DUS2: variants seen among roughly 807,000 people sequenced by gnomAD.
The protein encoded by DUS2 is dihydrouridine synthase 2, also known as tRNA-dihydrouridine(20) synthase [NAD(P)+]-like.
DUS2 carries 52 observed loss-of-function variants against 71.3 expected under a neutral mutation model. That is an observed-to-expected ratio of 0.73 (90% CI 0.58 to 0.92). The LOEUF is 0.92. DUS2 is among the 40% of genes least tolerant of loss of function. DUS2 has a pLI of 0.00. For missense variants in DUS2, 558 were observed against 622.6 expected, an observed-to-expected ratio of 0.90 and a Z score of 1.10; for synonymous variants, 204 against 227.8, an observed-to-expected ratio of 0.90 and a Z score of 0.94.
intron 12 of DUS2, 38 bp from the exon 13 acceptor site, chr16:68,073,996 G>C (rs769186697): frequency 4.3e-6 from 7 of 1,612,500 alleles, no homozygotes; most frequent in Non-Finnish European, 5.9e-6. Flanking sequence ...AGGCCTTAGA[G>C]CCTGCCTGGG....
intron 7 of DUS2, among the ~76,000 whole-genome samples, chr16:68,059,385 A>C (rs1016895617): frequency 6.6e-6 from 1 of 152,196 alleles, no homozygotes; most frequent in South Asian, 2.1e-4. Context: ...TTGTTGAGAA[A>C]GCTATTATTG....
rs2151425311 is a variant in DUS2, at chr16:68,070,952, T to C, written c.654T>C (p.His218=). 6.2e-7 allele frequency: 1 copy of C among 1,614,204 alleles called. No individual in the cohort carries two copies. Among genetic ancestry groups the C allele is most frequent in the Non-Finnish European group, 8.5e-7 (1 of 1,180,032 alleles). ...SIPVIANGGS[H]DHIQQYSDIE... ...GGTTGCTTTTTAGCGGAGGATCTCATGACCACATCCAACAGTATTCGGACA... is the reference window on the plus strand; with the variant it reads ...GGTTGCTTTTTAGCGGAGGATCTCACGACCACATCCAACAGTATTCGGACA... The change falls in exon 12 of 17, where the codon CAT becomes CAC. Residue 218 remains histidine, a synonymous_variant. Transcript: ENST00000565263.
At chr16:68,027,511 G>A (rs2033369648) in intron 2 of DUS2, among the ~76,000 whole-genome samples, 1 of 152,208 alleles carries the variant, frequency 6.6e-6, no homozygotes, top group Admixed American at 6.5e-5. Context: ...CCAAAGTGCT[G>A]GGATTACAGG....
chr16:68,049,277 A>G (rs189229197), intron 3 of DUS2, among the ~76,000 whole-genome samples: 8 of 152,186 alleles, frequency 5.3e-5, no homozygotes, highest in Non-Finnish European at 7.4e-5. Flanking sequence ...CTAGGCCCCA[A>G]CCATCTCCAA....
intron 2 of DUS2, among the ~76,000 whole-genome samples, chr16:68,034,007 A>G (rs550555203): frequency 3.3e-5 from 5 of 152,064 alleles, no homozygotes; most frequent in African/African-American, 7.2e-5. Flanking sequence ...AGTTCAAGCA[A>G]TCTGTCCACC....
Position 68,053,642 on chromosome 16 carries a change from T to C in DUS2, c.251T>C (p.Val84Ala). ...ACCTGTGAAAGAGAGCAGAACAGGG[T>C]GGTCTTCCAGATGGTGAGAGACTCC... ...FRTCEREQNR[V>A]VFQMGTSDAE... is the part of the protein sequence containing the mutation. Residue 84 changes from valine (V) to alanine (A), a missense_variant, in exon 5 of 17, where the codon GTG (valine) becomes GCG (alanine). Coordinates refer to ENST00000565263, the MANE Select transcript of DUS2 (RefSeq NM_017803.5). 6.2e-7 allele frequency: 1 copy of C among 1,614,172 alleles called. No individual in the cohort carries two copies. The highest frequency in any genetic ancestry group is 8.5e-7 in the Non-Finnish European group (1 of 1,180,038).
chr16:68,074,262 G>A, intron 13 of DUS2, 107 bp downstream of exon 13: 3 of 1,421,658 alleles, frequency 2.1e-6, no homozygotes, highest in Non-Finnish European at 2.9e-6. Context: ...GCTTCTGGAT[G>A]TAGATGTAGA....
intron 4 of DUS2, among the ~76,000 whole-genome samples, chr16:68,053,002 G>T (rs2033800830): frequency 6.8e-6 from 1 of 147,326 alleles, no homozygotes. Context: ...TTGCTCTGTC[G>T]CCCAGGCTGG....
chr16:68,047,426 A>G (rs1263455929), intron 3 of DUS2, among the ~76,000 whole-genome samples: 1 of 151,834 alleles, frequency 6.6e-6, no homozygotes, highest in Non-Finnish European at 1.5e-5. Context: ...AAAGTTTGTC[A>G]ATTTTGTTAA....
At chr16:68,044,331 C>T (rs930235719) in intron 3 of DUS2, among the ~76,000 whole-genome samples, 1 of 151,344 alleles carries the variant, frequency 6.6e-6, no homozygotes. Flanking sequence ...TTATTGCTGT[C>T]ATAACAATAT....
At chr16:68,062,270 C>G (rs2033950692) in intron 8 of DUS2, among the ~76,000 whole-genome samples, 1 of 151,994 alleles carries the variant, frequency 6.6e-6, no homozygotes, top group Non-Finnish European at 1.5e-5. Flanking sequence ...CTTGGCCTCC[C>G]AAAGTGCTGG....
At chr16:68,041,209 G>GAACAA (rs1414498279) in intron 3 of DUS2, among the ~76,000 whole-genome samples, 2 of 151,572 alleles carry the variant, frequency 1.3e-5, no homozygotes, top group African/African-American at 2.4e-5. Context: ...CTGGGCGACA[G>GAACAA]AACAAAACAA....
chr16:68,036,536 C>G (rs1006448319), intron 2 of DUS2, among the ~76,000 whole-genome samples: 11 of 151,896 alleles, frequency 7.2e-5, no homozygotes, highest in African/African-American at 2.7e-4. Flanking sequence ...AACTCCTGAC[C>G]TTGTGATCCA....
At chr16:68,047,029 C>T (rs761230824) in intron 3 of DUS2, among the ~76,000 whole-genome samples, 31 of 139,186 alleles carry the variant, frequency 2.2e-4, no homozygotes, top group Non-Finnish European at 4.0e-4. Context: ...GGATTACAGG[C>T]GTGAGCCACC....
At chr16:68,076,597 TG>T (rs1176101960) in intron 14 of DUS2, 34 bp from the exon 15 acceptor site, 2 of 1,550,478 alleles carry the variant, frequency 1.3e-6, no homozygotes, top group Admixed American at 3.4e-5. Context: ...GCGGTGATGG[TG>T]GGTGACCCCA....
At chr16:68,032,355 A>G (rs2033452675) in intron 2 of DUS2, among the ~76,000 whole-genome samples, 1 of 152,156 alleles carries the variant, frequency 6.6e-6, no homozygotes, top group African/African-American at 2.4e-5. Flanking sequence ...CAGTGAACTA[A>G]GCAGCCACAC....
At chr16:68,030,621 C>T (rs2033423458) in intron 2 of DUS2, among the ~76,000 whole-genome samples, 1 of 152,014 alleles carries the variant, frequency 6.6e-6, no homozygotes, top group African/African-American at 2.4e-5. Flanking sequence ...AATAAAAACC[C>T]ACTAGAAATC....
intron 2 of DUS2, among the ~76,000 whole-genome samples, chr16:68,026,684 C>T (rs539342759): frequency 5.9e-4 from 90 of 152,158 alleles, no homozygotes; most frequent in African/African-American, 1.8e-3. Flanking sequence ...CAAGACCAGT[C>T]TGGCAAACGT....
At chr16:68,070,024 C>A in intron 10 of DUS2, 110 bp from the exon 11 acceptor site, 3 of 957,124 alleles carry the variant, frequency 3.1e-6, no homozygotes, top group Non-Finnish European at 5.0e-6. Flanking sequence ...GCCACCTGAC[C>A]TTCCTGAGGT....
Sources: allele counts gnomAD v4.1 joint callset (sites outside exome capture counted in the v4.1 genomes callset), GRCh38; gene constraint gnomAD v4.1.1; transcripts MANE v1.5; gene names NCBI Gene and HGNC (gene_info 2026-07-23, HGNC 2026-07-21).